The following STOM variants were observed in gnomAD, a reference collection of about 807,000 sequenced individuals.
STOM encodes erythrocyte band 7 integral membrane protein.
Under a neutral mutation model 30.6 loss-of-function variants are expected in STOM, and 25 were observed. That is an observed-to-expected ratio of 0.82 (90% CI 0.60 to 1.14). The LOEUF is 1.14. STOM is among the 50% of genes most tolerant of loss of function. STOM has a pLI of 0.00. For synonymous variants in STOM, 118 were observed against 130.8 expected (o/e 0.90, Z 0.67); for missense variants, 292 against 365.2 (o/e 0.80, Z 1.63).
chr9:121,356,816 C>G (rs776615899), intron 1 of STOM, among the ~76,000 whole-genome samples: 1 of 152,096 alleles, frequency 6.6e-6, no homozygotes, highest in Admixed American at 6.5e-5. Flanking sequence ...AACCCCGTCT[C>G]TACTAAAAAT....
chr9:121,361,879 C>T (rs554660680), intron 1 of STOM, among the ~76,000 whole-genome samples: 1 of 152,112 alleles, frequency 6.6e-6, no homozygotes, highest in Non-Finnish European at 1.5e-5. Flanking sequence ...GAAACTGTTC[C>T]ACCACAGATC....
chr9:121,367,905 C>T (rs899579110), intron 1 of STOM, among the ~76,000 whole-genome samples: 14 of 152,202 alleles, frequency 9.2e-5, no homozygotes, highest in East Asian at 3.9e-4. Flanking sequence ...ATCAGATAGC[C>T]GGGGTTTGAA....
chr9:121,356,491 G>T (rs1270501730), intron 1 of STOM, among the ~76,000 whole-genome samples: 1 of 152,336 alleles, frequency 6.6e-6, no homozygotes, highest in East Asian at 1.9e-4. Context: ...AGTTTAGTGG[G>T]AAAGTCAGAC....
At chr9:121,345,015 A>T (rs1418568653) in intron 6 of STOM, among the ~76,000 whole-genome samples, 1 of 152,188 alleles carries the variant, frequency 6.6e-6, no homozygotes, top group Non-Finnish European at 1.5e-5. Flanking sequence ...GAGCACTTAC[A>T]TTCATTCTCT....
intron 1 of STOM, among the ~76,000 whole-genome samples, chr9:121,358,381 T>C (rs1170228829): frequency 6.6e-6 from 1 of 151,926 alleles, no homozygotes; most frequent in Non-Finnish European, 1.5e-5. Context: ...GGGGGATTGC[T>C]TGAGCCTGGG....
chr9:121,357,441 T>TATATATATATATGTATATATATATATA (rs1564631312), intron 1 of STOM, among the ~76,000 whole-genome samples: 1 of 74,108 alleles, frequency 1.3e-5, no homozygotes, highest in African/African-American at 5.1e-5. Flanking sequence ...ATATATATAT[T>TATATATATATATGTATATATATATATA]TATTTATTTA....
chr9:121,339,627 T>G lies in STOM; in HGVS notation c.*1575A>C. The G allele has an allele frequency of 8.1e-7, 1 of 1,231,494 alleles. No individual in the cohort carries two copies. Among genetic ancestry groups the G allele is most frequent in the South Asian group, 4.1e-5 (1 of 24,308 alleles). 76.3% of individuals were successfully genotyped at this position (1,231,494 alleles called of 1,614,324 possible). A position where few individuals can be genotyped will look rare whatever the true frequency, so the allele number is the denominator to read the frequency against. On this transcript the variant is annotated 3_prime_UTR_variant, in exon 7 of 7. Transcript: ENST00000286713. ...TAGACTTCTCTAGGTGAACTCAGAG[T>G]CTCAAAGAGGAAATGTTACAAATGT...
chr9:121,369,622 A>T (rs1171880036), intron 1 of STOM, among the ~76,000 whole-genome samples: 2 of 151,486 alleles, frequency 1.3e-5, no homozygotes, highest in Non-Finnish European at 2.9e-5. Context: ...AGCCAGAGAG[A>T]CTTCTTCCTT....
intron 1 of STOM, among the ~76,000 whole-genome samples, chr9:121,357,218 G>A (rs1021357772): frequency 6.6e-6 from 1 of 151,814 alleles, no homozygotes; most frequent in African/African-American, 2.4e-5. Flanking sequence ...GTGTTGTAGT[G>A]AACATCTTTG....
At chr9:121,345,699 T>A (rs934058836) in intron 6 of STOM, among the ~76,000 whole-genome samples, 1 of 152,192 alleles carries the variant, frequency 6.6e-6, no homozygotes, top group African/African-American at 2.4e-5. Flanking sequence ...GCATGGCAAT[T>A]CAGAATTCTA....
At chr9:121,351,984 A>G (rs1464292482) in intron 4 of STOM, among the ~76,000 whole-genome samples, 3 of 152,258 alleles carry the variant, frequency 2.0e-5, no homozygotes, top group Admixed American at 6.5e-5. Context: ...TCAGAAACCC[A>G]TAGAAGAGAA....
chr9:121,351,019 T>G (rs1181785481), intron 4 of STOM, among the ~76,000 whole-genome samples: 1 of 152,228 alleles, frequency 6.6e-6, no homozygotes, highest in African/African-American at 2.4e-5. Flanking sequence ...TTTCTAAAGC[T>G]ACAGCTTCTC....
chr9:121,350,197 G>A (rs923179883), intron 4 of STOM, among the ~76,000 whole-genome samples: 1 of 152,206 alleles, frequency 6.6e-6, no homozygotes, highest in Non-Finnish European at 1.5e-5. Flanking sequence ...GCATACACCT[G>A]TAGTTTCAGC....
chr9:121,364,201 T>A (rs2064482417), intron 1 of STOM, among the ~76,000 whole-genome samples: 1 of 152,206 alleles, frequency 6.6e-6, no homozygotes, highest in African/African-American at 2.4e-5. Flanking sequence ...GATAAACGTA[T>A]GTTAAAAAAT....
At chr9:121,344,127 TGAGA>T (rs1352209213) in intron 6 of STOM, among the ~76,000 whole-genome samples, 2 of 152,182 alleles carry the variant, frequency 1.3e-5, no homozygotes, top group Non-Finnish European at 2.9e-5. Flanking sequence ...TAGTACTCAC[TGAGA>T]GAAAGGATCC....
At position 121,368,815 on chromosome 9, in the gene STOM, C is replaced by T. The variant is rs1167017290; in HGVS notation, c.61+1312G>A. Among the ~76,000 whole-genome samples the T allele has an allele frequency of 2.0e-5, 3 of 151,818 alleles. No individual in the cohort carries two copies. The East Asian group carries it at 5.8e-4, about 29-fold the overall frequency. Reference sequence around the variant, plus strand: ...ATCAGCTGGGCATGGTGGTGCACGCCTGTAATCCCAGCTACTTGGGAGGAT... The same window carrying T: ...ATCAGCTGGGCATGGTGGTGCACGCTTGTAATCCCAGCTACTTGGGAGGAT... On this transcript the variant is annotated intron_variant, in intron 1 of 6. Coordinates refer to ENST00000286713, the MANE Select transcript of STOM (RefSeq NM_004099.6).
chr9:121,364,440 T>A (rs2064484256), intron 1 of STOM, among the ~76,000 whole-genome samples: 1 of 152,186 alleles, frequency 6.6e-6, no homozygotes, highest in Non-Finnish European at 1.5e-5. Context: ...GTGAAGACTG[T>A]AACTTTTCCT....
chr9:121,356,511 A>G (rs950342586), intron 1 of STOM, among the ~76,000 whole-genome samples: 1 of 152,232 alleles, frequency 6.6e-6, no homozygotes, highest in African/African-American at 2.4e-5. Flanking sequence ...CAAACACATA[A>G]TTATAATATT....
intron 1 of STOM, among the ~76,000 whole-genome samples, chr9:121,362,944 A>T (rs2064467522): frequency 6.6e-6 from 1 of 152,202 alleles, no homozygotes; most frequent in Non-Finnish European, 1.5e-5. Flanking sequence ...CCCGTTCCCC[A>T]TCAGCTGATT....
Sources: gnomAD v4.1 joint callset for allele counts (sites outside exome capture counted in the v4.1 genomes callset) on GRCh38, gnomAD v4.1.1 for gene constraint, MANE v1.5 for transcripts, NCBI Gene and HGNC (gene_info 2026-07-23, HGNC 2026-07-21) for gene names.